PTPN12: variants seen among roughly 807,000 people sequenced by gnomAD.
PTPN12 encodes the protein tyrosine-protein phosphatase non-receptor type 12.
PTPN12 carries 29 observed loss-of-function variants against 97.6 expected under a neutral mutation model. That is an observed-to-expected ratio of 0.30 (90% CI 0.22 to 0.41). The LOEUF (loss-of-function observed/expected upper bound fraction) is 0.41, where lower values mean the gene tolerates loss of function less well. PTPN12 is among the 10% of genes least tolerant of loss of function. The pLI, the probability that PTPN12 is intolerant of heterozygous loss-of-function variation, is 1.00. For missense variants in PTPN12, 819 were observed against 926.0 expected, an observed-to-expected ratio of 0.88 and a Z score of 1.50; for synonymous variants, 327 against 300.4, an observed-to-expected ratio of 1.09 and a Z score of -0.91.
intron 7 of PTPN12, among the ~76,000 whole-genome samples, chr7:77,599,618 GTAA>G (rs1403037717): frequency 1.3e-5 from 2 of 151,966 alleles, no homozygotes; most frequent in East Asian, 1.9e-4. Flanking sequence ...TTAATCTACG[GTAA>G]TAATAATAAG....
chr7:77,620,680 T>C (rs536575686), intron 12 of PTPN12, among the ~76,000 whole-genome samples: 1 of 152,376 alleles, frequency 6.6e-6, no homozygotes, highest in Admixed American at 6.5e-5. Flanking sequence ...CCAGGCGTGG[T>C]GGCTCACGCC....
At chr7:77,549,569 T>G (rs1807384820) in intron 1 of PTPN12, among the ~76,000 whole-genome samples, 1 of 151,584 alleles carries the variant, frequency 6.6e-6, no homozygotes, top group African/African-American at 2.4e-5. Context: ...AAAGTTTGGG[T>G]TTTTGTTTGT....
chr7:77,538,660 A>T (rs1806791626), intron 1 of PTPN12: 1 of 151,986 alleles, frequency 6.6e-6, no homozygotes, highest in Non-Finnish European at 1.5e-5. Context: ...GCACACTGTG[A>T]GGGGGTCAGA....
intron 1 of PTPN12, among the ~76,000 whole-genome samples, chr7:77,539,743 C>T (rs909246181): frequency 2.0e-5 from 3 of 152,192 alleles, no homozygotes; most frequent in African/African-American, 7.2e-5. Context: ...ATGCTCCTGC[C>T]TCAGCCTCCT....
intron 1 of PTPN12, chr7:77,564,120 C>T (rs1182444904): frequency 4.6e-6 from 1 of 218,180 alleles, no homozygotes; most frequent in Non-Finnish European, 9.7e-6. Context: ...CTCAAGTGAT[C>T]TGCCCACCTT....
chr7:77,596,653 C>G (rs1562737194), intron 6 of PTPN12, among the ~76,000 whole-genome samples: 6 of 152,314 alleles, frequency 3.9e-5, no homozygotes, highest in Admixed American at 3.9e-4. Context: ...CTAAAGCGAT[C>G]CGTCCACCTC....
rs34455758 is a variant in PTPN12, at chr7:77,621,670, CA to C, written c.1025+3115del. ...GGTGTGACAGAGCGAGACTCCATCT[CA>C]AAAAAAAAAGTACATAAGCCAATAA... On this transcript the variant is annotated intron_variant, in intron 12 of 17. Coordinates refer to ENST00000248594, the MANE Select transcript of PTPN12 (RefSeq NM_002835.4). Among the ~76,000 whole-genome samples, 606 of 148,060 alleles carry C rather than the reference CA, an allele frequency of 4.1e-3. 7 individuals are homozygous for C. The highest frequency in any genetic ancestry group is 0.013 in the African/African-American group (521 of 40,586).
At chr7:77,555,786 G>C (rs1452716302) in intron 1 of PTPN12, among the ~76,000 whole-genome samples, 1 of 151,750 alleles carries the variant, frequency 6.6e-6, no homozygotes, top group Non-Finnish European at 1.5e-5. Flanking sequence ...GTGGTGGTGG[G>C]CGCCTGTAGT....
chr7:77,607,074 C>A, intron 8 of PTPN12, 161 bp from the exon 9 acceptor site: 2 of 547,316 alleles, frequency 3.7e-6, no homozygotes, highest in South Asian at 4.7e-5. Context: ...ACAGATGTTG[C>A]CATGAACACA....
intron 1 of PTPN12, among the ~76,000 whole-genome samples, chr7:77,566,771 ATTTG>A (rs1459138469): frequency 2.6e-5 from 4 of 152,088 alleles, no homozygotes; most frequent in Admixed American, 6.5e-5. Context: ...TTCTTAAAGG[ATTTG>A]TTTGTTTTCT....
chr7:77,583,573 G>A lies in PTPN12; in HGVS notation c.304G>A (p.Ala102Thr), dbSNP rs559269943. Residue 102 changes from alanine (A) to threonine (T), a missense_variant, in exon 4 of 18, where the codon GCA becomes ACA. Ala to Thr is a moderately conservative substitution (Grantham distance 58). This residue lies in a region of PTPN12 where 66 missense variants were observed against 133.6 expected (regional missense o/e 0.49). Coordinates refer to ENST00000248594, the MANE Select transcript of PTPN12 (RefSeq NM_002835.4). Reference protein sequence around the residue: ...NFIKGVYGPKAYVATQGPLAN... With the variant: ...NFIKGVYGPKTYVATQGPLAN... ...TTTTTAGGGCGTCTATGGGCCAAAA[G>A]CATATGTAGCAACTCAAGGACCTTT... 3 of 1,609,698 alleles carry A rather than the reference G, an allele frequency of 1.9e-6. No homozygotes were observed. Among genetic ancestry groups the A allele is most frequent in the African/African-American group, 2.7e-5 (2 of 74,894 alleles).
intron 5 of PTPN12, among the ~76,000 whole-genome samples, chr7:77,590,956 G>T (rs1370502769): frequency 6.6e-6 from 1 of 152,054 alleles, no homozygotes; most frequent in Non-Finnish European, 1.5e-5. Context: ...AAGATCACTT[G>T]AGCCCAGAAG....
chr7:77,625,544 T>TCA, intron 12 of PTPN12, among the ~76,000 whole-genome samples: 1 of 98,930 alleles, frequency 1.0e-5, no homozygotes, highest in South Asian at 3.6e-4. Flanking sequence ...TCACTCGCGC[T>TCA]CTCTCTCTCG....
rs10648385 is a variant in PTPN12, at chr7:77,605,945, C to CTTTTT, written c.696-1268_696-1264dup. Among the ~76,000 whole-genome samples the CTTTTT allele has an allele frequency of 3.7e-3, 191 of 51,914 alleles. 28 individuals are homozygous for CTTTTT. Among genetic ancestry groups the CTTTTT allele is most frequent in the African/African-American group, 0.011 (139 of 12,610 alleles). 34.1% of individuals were successfully genotyped at this position (51,914 alleles called of 152,430 possible). A position where few individuals can be genotyped will look rare whatever the true frequency, so the allele number is the denominator to read the frequency against. On this transcript the variant is annotated intron_variant, in intron 8 of 17. Coordinates refer to ENST00000248594, the MANE Select transcript of PTPN12 (RefSeq NM_002835.4). The stretch of plus-strand genomic sequence containing the variant: ...TCCTGTACTCTAAAACAAGAGCCAT[C>CTTTTT]TTTTTTTTTTTTTTTTTTTTTTTTT...
At chr7:77,617,065 G>A (rs770657410) in intron 11 of PTPN12, among the ~76,000 whole-genome samples, 1 of 152,186 alleles carries the variant, frequency 6.6e-6, no homozygotes, top group Non-Finnish European at 1.5e-5. Flanking sequence ...TTACAGGTGT[G>A]AGCCACTGCG....
intron 9 of PTPN12, among the ~76,000 whole-genome samples, chr7:77,609,273 C>CTTTTT (rs34358650): frequency 1.6e-5 from 2 of 126,910 alleles, no homozygotes; most frequent in African/African-American, 3.0e-5. Flanking sequence ...CTCTCTCTCT[C>CTTTTT]TTTTTTTTTT....
At chr7:77,539,961 G>T (rs972024639) in intron 1 of PTPN12, among the ~76,000 whole-genome samples, 1 of 152,176 alleles carries the variant, frequency 6.6e-6, no homozygotes, top group Non-Finnish European at 1.5e-5. Context: ...TTACAGGCGT[G>T]AGCCACCATG....
chr7:77,586,294 G>A (rs147929542), intron 5 of PTPN12, among the ~76,000 whole-genome samples: 181 of 152,292 alleles, frequency 1.2e-3, no homozygotes, highest in African/African-American at 4.2e-3. Context: ...GCTAAAAAAT[G>A]TTAATGATCA....
intron 9 of PTPN12, among the ~76,000 whole-genome samples, chr7:77,609,742 G>C (rs939169487): frequency 3.9e-5 from 6 of 152,088 alleles, no homozygotes; most frequent in African/African-American, 9.6e-5. Flanking sequence ...ATCGCCAGGC[G>C]TAGTGGCGGG....
Sources: gnomAD v4.1 joint callset for allele counts (sites outside exome capture counted in the v4.1 genomes callset) on GRCh38, gnomAD v4.1.1 for gene constraint, gnomAD v4.1.1 regional missense constraint, MANE v1.5 for transcripts, NCBI Gene and HGNC (gene_info 2026-07-23, HGNC 2026-07-21) for gene names.